The following TRIO variants were observed in gnomAD, a reference collection of about 807,000 sequenced individuals.
TRIO encodes trio Rho guanine nucleotide exchange factor.
A neutral mutation model predicts 351.9 loss-of-function variants in TRIO; 58 were observed. The ratio of observed to expected loss-of-function variants is 0.16; its 90% CI spans 0.13 to 0.21. The LOEUF is 0.21. TRIO is among the 10% of genes least tolerant of loss of function. The pLI is 1.00. For missense variants in TRIO, 3,201 were observed against 4,027.8 expected, an observed-to-expected ratio of 0.79 and a Z score of 5.56; for synonymous variants, 1,758 against 1,595.7, an observed-to-expected ratio of 1.10 and a Z score of -2.42.
At chr5:14,314,115 A>G (rs1739168392) in intron 8 of TRIO, among the ~76,000 whole-genome samples, 1 of 152,228 alleles carries the variant, frequency 6.6e-6, no homozygotes, top group African/African-American at 2.4e-5. Context: ...ACCATGTGAA[A>G]TGTATGACTT....
chr5:14,373,290 G>T (rs572956910), intron 18 of TRIO, among the ~76,000 whole-genome samples: 2 of 152,138 alleles, frequency 1.3e-5, no homozygotes, highest in Admixed American at 6.6e-5. Context: ...AGAGACTCAT[G>T]ATGTGTTTTT....
At chr5:14,491,351 C>G (rs1010264555) in intron 48 of TRIO, among the ~76,000 whole-genome samples, 2 of 152,290 alleles carry the variant, frequency 1.3e-5, no homozygotes, top group Non-Finnish European at 1.5e-5. Context: ...GTCGGAGAGC[C>G]CAGCAGAAGC....
chr5:14,327,590 A>G (rs573110890), intron 9 of TRIO, among the ~76,000 whole-genome samples: 3 of 152,310 alleles, frequency 2.0e-5, no homozygotes, highest in East Asian at 3.9e-4. Flanking sequence ...ACTTTCCAGT[A>G]ATCATCAGGT....
intron 9 of TRIO, among the ~76,000 whole-genome samples, chr5:14,322,870 G>A (rs1414519872): frequency 6.6e-6 from 1 of 152,180 alleles, no homozygotes; most frequent in East Asian, 1.9e-4. Flanking sequence ...GCTGAGTGGA[G>A]GCACAGGCTT....
At position 14,471,192 on chromosome 5, in the gene TRIO, C is replaced by G. The variant is rs1367570692; in HGVS notation, c.5764-126C>G. On this transcript the variant is annotated intron_variant, in intron 37 of 56. Coordinates refer to ENST00000344204, the MANE Select transcript of TRIO (RefSeq NM_007118.4). Reference sequence around the variant, plus strand: ...TTATTAAATGCTATAATTTCACAAACAAAGATTTTATAATTTCACAAATAC... The same window carrying G: ...TTATTAAATGCTATAATTTCACAAAGAAAGATTTTATAATTTCACAAATAC... 3.9e-6 allele frequency: 5 copies of G among 1,275,970 alleles called. No individual in the cohort carries two copies. In the African/African-American group the frequency reaches 4.5e-5, roughly 11 times the overall value. 79.0% of individuals were successfully genotyped at this position (1,275,970 alleles called of 1,614,324 possible). A position where few individuals can be genotyped will look rare whatever the true frequency, so the allele number is the denominator to read the frequency against.
intron 1 of TRIO, among the ~76,000 whole-genome samples, chr5:14,225,241 G>T (rs1350800428): frequency 6.6e-6 from 1 of 152,164 alleles, no homozygotes; most frequent in Non-Finnish European, 1.5e-5. Context: ...AGGAGATTTG[G>T]TATACTTCTG....
At chr5:14,384,050 A>G (rs1746339893) in intron 21 of TRIO, among the ~76,000 whole-genome samples, 1 of 152,042 alleles carries the variant, frequency 6.6e-6, no homozygotes, top group African/African-American at 2.4e-5. Flanking sequence ...TCATTTCTCC[A>G]CGGGTCTTGC....
chr5:14,374,643 AAAAT>A (rs1473940412), intron 19 of TRIO, among the ~76,000 whole-genome samples: 1 of 152,212 alleles, frequency 6.6e-6, no homozygotes, highest in African/African-American at 2.4e-5. Flanking sequence ...AAGTAAGTAA[AAAAT>A]AAATAGGGGG....
intron 1 of TRIO, among the ~76,000 whole-genome samples, chr5:14,257,434 G>GA (rs879629838): frequency 2.4e-4 from 36 of 147,676 alleles, no homozygotes; most frequent in African/African-American, 5.7e-4. Context: ...TCTCTTCCAG[G>GA]AAAAAAAAAA....
Position 14,157,405 on chromosome 5 carries a change from G to A in TRIO, c.157+13523G>A, listed in dbSNP as rs1210828269. Among the ~76,000 whole-genome samples, 6 of 122,718 alleles carry A rather than the reference G, an allele frequency of 4.9e-5. No individual in the cohort carries two copies. In the South Asian group the frequency reaches 1.6e-3, roughly 33 times the overall value. 80.5% of individuals were successfully genotyped at this position (122,718 alleles called of 152,430 possible). A position where few individuals can be genotyped will look rare whatever the true frequency, so the allele number is the denominator to read the frequency against. On this transcript the variant is annotated intron_variant, in intron 1 of 56. Coordinates refer to ENST00000344204, the MANE Select transcript of TRIO (RefSeq NM_007118.4). The stretch of plus-strand genomic sequence containing the variant: ...TCTTTCTCTCTCTCTCCCCCTCCCC[G>A]CCTCCCTCCCTGTGTCTCCCTCTCT...
chr5:14,372,385 G>T (rs1323475239), intron 18 of TRIO, among the ~76,000 whole-genome samples: 1 of 152,100 alleles, frequency 6.6e-6, no homozygotes, highest in Non-Finnish European at 1.5e-5. Context: ...TTGGTAAGAA[G>T]ATTGATCAGT....
chr5:14,374,207 A>G (rs1745363880), intron 18 of TRIO, 22 bp from the exon 19 acceptor site: 3 of 1,597,526 alleles, frequency 1.9e-6, no homozygotes, highest in Non-Finnish European at 2.6e-6. Context: ...TTAGCAACAC[A>G]TTGCTCTCCA....
intron 8 of TRIO, among the ~76,000 whole-genome samples, chr5:14,305,089 T>C (rs553683462): frequency 8.5e-5 from 13 of 152,348 alleles, no homozygotes; most frequent in African/African-American, 3.1e-4. Flanking sequence ...TATGCCAGAC[T>C]GTATTGTAAG....
chr5:14,488,297 C>A, intron 48 of TRIO, 37 bp downstream of exon 48: 1 of 1,520,748 alleles, frequency 6.6e-7, no homozygotes, highest in Non-Finnish European at 8.8e-7. Context: ...TCCCGCCCCC[C>A]TGCCTCTGTC....
At chr5:14,240,236 A>G (rs1217071868) in intron 1 of TRIO, among the ~76,000 whole-genome samples, 1 of 152,236 alleles carries the variant, frequency 6.6e-6, no homozygotes, top group African/African-American at 2.4e-5. Context: ...GTGTGCTTAC[A>G]TTGGTTTATT....
chr5:14,416,371 A>C (rs1338487089), intron 33 of TRIO, among the ~76,000 whole-genome samples: 1 of 151,938 alleles, frequency 6.6e-6, no homozygotes, highest in Non-Finnish European at 1.5e-5. Context: ...AAATGTGAGC[A>C]TTGAGGTGCA....
At chr5:14,470,870 T>G (rs1025256097) in intron 37 of TRIO, among the ~76,000 whole-genome samples, 2 of 152,204 alleles carry the variant, frequency 1.3e-5, no homozygotes, top group African/African-American at 4.8e-5. Flanking sequence ...TGCTACATAG[T>G]CCACCAACAG....
At chr5:14,343,475 A>G (rs985790579) in intron 11 of TRIO, among the ~76,000 whole-genome samples, 1 of 152,124 alleles carries the variant, frequency 6.6e-6, no homozygotes, top group African/African-American at 2.4e-5. Flanking sequence ...TTATTTTGTT[A>G]TTTCTAAAAT....
intron 26 of TRIO, chr5:14,390,590 C>T (rs1746984692): frequency 9.3e-6 from 5 of 535,216 alleles, no homozygotes; most frequent in Admixed American, 7.3e-5. Flanking sequence ...GGGGGATCGT[C>T]TAGTCTAGAG....
Sources: gnomAD v4.1 joint callset for allele counts (sites outside exome capture counted in the v4.1 genomes callset) on GRCh38, gnomAD v4.1.1 for gene constraint, MANE v1.5 for transcripts, NCBI Gene and HGNC (gene_info 2026-07-23, HGNC 2026-07-21) for gene names.